Variants in GSDMD observed in about 807,000 individuals in gnomAD.
GSDMD encodes gasdermin-D.
Under a neutral mutation model 46.7 loss-of-function variants are expected in GSDMD, and 46 were observed. The ratio of observed to expected loss-of-function variants is 0.99; its 90% CI spans 0.78 to 1.26. The LOEUF (loss-of-function observed/expected upper bound fraction) is 1.26. Ranked by LOEUF, GSDMD falls within the 50% of genes most tolerant of loss-of-function variation. The pLI, the probability that GSDMD is intolerant of heterozygous loss-of-function variation, is 0.00. For synonymous variants in GSDMD, 307 were observed against 283.1 expected, an observed-to-expected ratio of 1.08 and a Z score of -0.85; for missense variants, 649 against 638.8, an observed-to-expected ratio of 1.02 and a Z score of -0.17.
chr8:143,554,825 C>T (rs1419258984), upstream of GSDMD, among the ~76,000 whole-genome samples: 1 of 152,276 alleles, frequency 6.6e-6, no homozygotes, highest in Non-Finnish European at 1.5e-5. Context: ...TCTTCTTAGG[C>T]TCCTGGAGCC....
At chr8:143,557,291 A>T (rs73715674), upstream of GSDMD, among the ~76,000 whole-genome samples, 13,032 of 101,808 alleles carry the variant, frequency 0.13, 892 homozygotes, top group African/African-American at 0.21. Flanking sequence ...CCTTGCCGCT[A>T]TGGCGAAGGA....
intron 3 of GSDMD, 28 bp from the exon 4 acceptor site, chr8:143,560,575 A>G: frequency 1.3e-6 from 2 of 1,550,532 alleles, no homozygotes. Flanking sequence ...GCTGCGGCCC[A>G]GCGAGCTTTG....
upstream of GSDMD, chr8:143,558,267 G>GAGGGGGCAGGA: frequency 6.9e-7 from 1 of 1,448,598 alleles, no homozygotes; most frequent in Non-Finnish European, 9.1e-7. Context: ...CTGGCGGGAA[G>GAGGGGGCAGGA]AGGGGGCAGG....
At chr8:143,561,188 C>A in intron 5 of GSDMD, 84 bp downstream of exon 5, 1 of 1,375,930 alleles carries the variant, frequency 7.3e-7, no homozygotes, top group East Asian at 2.4e-5. Flanking sequence ...CCAGCTTGGG[C>A]TGCCGTGGGC....
At position 143,561,350 on chromosome 8, in the gene GSDMD, T is replaced by TG; in HGVS notation, c.683-19dup. ...TCTAGGTGACATGCCTGTCCCTGTC[T>TG]GCTCCCGTCTGGCTGCCAGACGTCC... On this transcript the variant is annotated intron_variant, in intron 5 of 10. Transcript: ENST00000262580. 2 of 1,594,378 alleles carry TG rather than the reference T, an allele frequency of 1.3e-6. No homozygotes were observed. The highest frequency in any genetic ancestry group is 1.7e-6 in the Non-Finnish European group (2 of 1,169,664).
In GSDMD at chr8:143,559,861, A is replaced by G. The variant is rs751112084; in HGVS notation, c.302A>G (p.Gln101Arg). The change falls in exon 3 of 11, where the codon CAG becomes CGG. Residue 101 changes from glutamine (Q) to arginine (R), a missense_variant. Transcript: ENST00000262580. Reference sequence around the variant, plus strand: ...AGCGTGGAGCTGGCAGCCCCAGGACAGGCAAAGATCGCAGGCGGGGCCGCG... The same window carrying G: ...AGCGTGGAGCTGGCAGCCCCAGGACGGGCAAAGATCGCAGGCGGGGCCGCG... ...QGSVELAAPG[Q>R]AKIAGGAAVS... The G allele has an allele frequency of 3.1e-6, 5 of 1,612,788 alleles. No individual in the cohort carries two copies. In the Admixed American group the frequency reaches 8.3e-5, roughly 27 times the overall value.
At chr8:143,561,905 G>T (rs2130572441) in intron 7 of GSDMD, 54 bp from the exon 8 acceptor site, 1 of 1,607,244 alleles carries the variant, frequency 6.2e-7, no homozygotes. Flanking sequence ...CCTGACCGAG[G>T]CTTTCCAGGG....
chr8:143,554,038 C>T (rs1231139657), upstream of GSDMD, among the ~76,000 whole-genome samples: 2 of 113,432 alleles, frequency 1.8e-5, no homozygotes, highest in African/African-American at 2.7e-5. Context: ...TGGGAGGGGC[C>T]TGACGCACCA....
rs572383912 is a variant in GSDMD at position 143,560,675 on chromosome 8, T to C, written c.483T>C (p.Thr161=). The part of the protein sequence containing the change: ...RSRGDNVYVV[T]EVLQTQKEVE... ...GCGGGGACAACGTGTACGTGGTGAC[T>C]GAGGTGCTGCAGACACAGAAGGAGG... The change falls in exon 4 of 11, where the codon ACT becomes ACC. Residue 161 remains threonine (T), a synonymous_variant. Coordinates refer to ENST00000262580, the MANE Select transcript of GSDMD (RefSeq NM_024736.7). 51 of 1,588,890 alleles carry C rather than the reference T, an allele frequency of 3.2e-5. 1 individual carries two copies. In the African/African-American group the frequency reaches 6.0e-4, roughly 19 times the overall value.
At chr8:143,558,926 C>G (rs950964413) in intron 1 of GSDMD, 30 of 539,290 alleles carry the variant, frequency 5.6e-5, no homozygotes, top group Non-Finnish European at 9.2e-5. Context: ...TGGGGCGACA[C>G]TCTGGCTGGG....
chr8:143,561,842 T>G lies in GSDMD; in HGVS notation c.823+14T>G, dbSNP rs1295599928. 1 of 1,611,074 alleles carries G rather than the reference T, an allele frequency of 6.2e-7. No individual in the cohort carries two copies. On this transcript the variant is annotated intron_variant, in intron 7 of 10. Transcript: ENST00000262580. ...ACTTCCTGACAGGTCAGTGCCCTCCTGACCGCCCCGGGGACCTTTGGTGGG... is the reference window on the plus strand; with the variant it reads ...ACTTCCTGACAGGTCAGTGCCCTCCGGACCGCCCCGGGGACCTTTGGTGGG...
chr8:143,557,657 A>T (rs1193332428), upstream of GSDMD, among the ~76,000 whole-genome samples: 1 of 152,242 alleles, frequency 6.6e-6, no homozygotes, highest in Non-Finnish European at 1.5e-5. Flanking sequence ...ACGGGTTGAC[A>T]TTCCCACCAG....
chr8:143,561,695 C>G (rs776026923), intron 6 of GSDMD, 47 bp from the exon 7 acceptor site: 1 of 1,477,818 alleles, frequency 6.8e-7, no homozygotes, highest in Non-Finnish European at 9.3e-7. Flanking sequence ...GGCTCAGACA[C>G]CCTTCCCCGG....
upstream of GSDMD, among the ~76,000 whole-genome samples, chr8:143,555,566 G>A (rs531064176): frequency 2.9e-4 from 44 of 152,296 alleles, no homozygotes; most frequent in African/African-American, 9.9e-4. Context: ...CTGTGTGCCC[G>A]GCTCCTTCCA....
At chr8:143,553,975 C>T (rs1415669996), upstream of GSDMD, among the ~76,000 whole-genome samples, 2 of 120,618 alleles carry the variant, frequency 1.7e-5, no homozygotes, top group East Asian at 9.7e-4. Context: ...CACACCCCTG[C>T]TGGAGGCAAG....
upstream of GSDMD, chr8:143,556,002 A>G (rs980991819): frequency 2.6e-5 from 4 of 152,266 alleles, no homozygotes; most frequent in Non-Finnish European, 5.9e-5. Flanking sequence ...TAGCAAGGTC[A>G]AGAGATCGAG....
chr8:143,558,837 GA>G, intron 1 of GSDMD: 3 of 547,490 alleles, frequency 5.5e-6, no homozygotes, highest in Admixed American at 2.2e-5. Flanking sequence ...TATGGCCTCT[GA>G]CCCCCAAAGC....
Position 143,559,807 on chromosome 8 carries a change from A to G in GSDMD, c.248A>G (p.Tyr83Cys). The G allele has an allele frequency of 6.2e-7, 1 of 1,608,380 alleles. No homozygotes were observed. The highest frequency in any genetic ancestry group is 1.7e-5 in the Admixed American group (1 of 59,412). Residue 83 changes from tyrosine to cysteine, a missense_variant, in exon 3 of 11, where the codon TAC becomes TGC. Transcript: ENST00000262580. ...DVQRGRSFHF[Y>C]DAMDGQIQGS... is the part of the protein sequence containing the mutation. The stretch of plus-strand genomic sequence containing the variant: ...CAGCGTGGCAGGAGCTTCCACTTCT[A>G]CGATGCCATGGATGGGCAGATACAG...
In GSDMD at chr8:143,559,956, C is replaced by G. The variant is rs1342636977; in HGVS notation, c.397C>G (p.Leu133Val). ...TGTGGACCCTAACACCTGGCAGACT[C>G]TGCTCCATGAGAGGTGGGCCCGAAG... ...LSVDPNTWQT[L>V]LHERHLRQPE... The change falls in exon 3 of 11, where the codon CTG (leucine) becomes GTG (valine). Residue 133 changes from leucine (L) to valine (V), a missense_variant. Leu to Val is a conservative substitution (Grantham distance 32). Transcript: ENST00000262580. 1 of 1,611,852 alleles carries G rather than the reference C, an allele frequency of 6.2e-7. No individual in the cohort carries two copies. Among genetic ancestry groups the G allele is most frequent in the East Asian group, 2.2e-5 (1 of 44,858 alleles).
Sources: allele counts gnomAD v4.1 joint callset (sites outside exome capture counted in the v4.1 genomes callset), GRCh38; gene constraint gnomAD v4.1.1; transcripts MANE v1.5; gene names NCBI Gene and HGNC (gene_info 2026-07-23, HGNC 2026-07-21).